RAB3B: variants seen among roughly 807,000 people sequenced by gnomAD.
RAB3B encodes the protein RAB3B, member RAS oncogene family, also known as ras-related protein Rab-3B.
In RAB3B, 11 loss-of-function variants were observed where a neutral mutation model predicts 20.5. The observed-to-expected ratio is 0.54, with a 90% CI of 0.34 to 0.89. RAB3B has a LOEUF of 0.89. RAB3B is among the 40% of genes least tolerant of loss of function. The probability of loss-of-function intolerance (pLI) is 0.02; values close to 1 mark genes in which losing one functional copy is unlikely to be tolerated. For missense variants in RAB3B, 225 were observed against 280.9 expected, an observed-to-expected ratio of 0.80 and a Z score of 1.42; for synonymous variants, 99 against 106.3, an observed-to-expected ratio of 0.93 and a Z score of 0.42.
At position 51,918,951 on chromosome 1, in the gene RAB3B, G is replaced by T. The variant is rs1684125856; in HGVS notation, c.*976C>A. 6.7e-6 allele frequency: 1 copy of T among 149,374 alleles called. No homozygotes were observed. The highest frequency in any genetic ancestry group is 2.1e-4 in the South Asian group (1 of 4,670). 9.3% of individuals were successfully genotyped at this position (149,374 alleles called of 1,614,324 possible). ...ATATAGCAGGAACCTCTGACATTTT[G>T]TAGGGGATAATCCTTTTCTCTTTTT... is the stretch of plus-strand genomic sequence containing the variant. On this transcript the variant is annotated 3_prime_UTR_variant, in exon 5 of 5. Coordinates refer to ENST00000371655, the MANE Select transcript of RAB3B (RefSeq NM_002867.4).
At position 51,914,434 on chromosome 1, in the gene RAB3B, A is replaced by C. The variant is rs566249816; in HGVS notation, c.*5493T>G. On this transcript the variant is annotated 3_prime_UTR_variant, in exon 5 of 5. Coordinates refer to ENST00000371655, the MANE Select transcript of RAB3B (RefSeq NM_002867.4). Reference sequence around the variant, plus strand: ...GTGCCTTTCCTTTAGAGTACTTTGTAATTATATTTGGGTGATGATTTGACA... The same window carrying C: ...GTGCCTTTCCTTTAGAGTACTTTGTCATTATATTTGGGTGATGATTTGACA... The C allele has an allele frequency of 5.9e-5, 9 of 152,270 alleles. No individual in the cohort carries two copies. In the South Asian group the frequency reaches 1.9e-3, roughly 32 times the overall value. 9.4% of individuals were successfully genotyped at this position (152,270 alleles called of 1,614,324 possible).
intron 3 of RAB3B, 102 bp downstream of exon 3, chr1:51,937,192 T>TCTG (rs1354032527): frequency 1.2e-6 from 1 of 859,756 alleles, no homozygotes; most frequent in African/African-American, 1.7e-5. Flanking sequence ...AGTAACCATG[T>TCTG]CTGATTCATC....
At chr1:51,931,205 AGGCAGCTCCTTGC>A (rs1306078422) in intron 4 of RAB3B, among the ~76,000 whole-genome samples, 1 of 152,184 alleles carries the variant, frequency 6.6e-6, no homozygotes, top group Non-Finnish European at 1.5e-5. Context: ...CTGACCCACA[AGGCAGCTCCTTGC>A]CTCTGCCAGG....
At chr1:51,975,830 A>T (rs1395411321) in intron 2 of RAB3B, among the ~76,000 whole-genome samples, 2 of 152,034 alleles carry the variant, frequency 1.3e-5, no homozygotes, top group Non-Finnish European at 2.9e-5. Flanking sequence ...CATCTCTACT[A>T]AAAATACAAA....
chr1:51,989,045 T>C (rs1685185748), intron 1 of RAB3B, among the ~76,000 whole-genome samples: 1 of 149,834 alleles, frequency 6.7e-6, no homozygotes, highest in South Asian at 2.1e-4. Flanking sequence ...CTTTCACGGC[T>C]TCCATTGTCT....
intron 2 of RAB3B, among the ~76,000 whole-genome samples, chr1:51,956,199 T>C (rs1375328304): frequency 6.6e-6 from 1 of 152,204 alleles, no homozygotes; most frequent in Non-Finnish European, 1.5e-5. Flanking sequence ...GATATTAGAC[T>C]AGATTACTTT....
At chr1:51,950,777 G>C (rs12060486) in intron 2 of RAB3B, among the ~76,000 whole-genome samples, 11 of 152,184 alleles carry the variant, frequency 7.2e-5, no homozygotes, top group African/African-American at 2.7e-4. Flanking sequence ...GAGCACCAGG[G>C]AGGCAGGTAA....
chr1:51,977,027 T>C lies in RAB3B; in HGVS notation c.91A>G (p.Ser31Gly). The C allele has an allele frequency of 2.5e-6, 4 of 1,614,232 alleles. No homozygotes were observed. Among genetic ancestry groups the C allele is most frequent in the Non-Finnish European group, 3.4e-6 (4 of 1,180,034 alleles). The change falls in exon 2 of 5, where the codon AGC becomes GGC. Residue 31 changes from serine (S) to glycine (G), a missense_variant. Ser to Gly is a moderately conservative substitution (Grantham distance 56). Coordinates refer to ENST00000371655, the MANE Select transcript of RAB3B (RefSeq NM_002867.4). ...YMFKLLIIGNSSVGKTSFLFR... is the reference protein window; with the variant it reads ...YMFKLLIIGNGSVGKTSFLFR... ...AGGAAGGAGGTCTTGCCAACACTGC[T>C]GTTGCCAATGATAAGCAGTTTAAAC...
intron 2 of RAB3B, among the ~76,000 whole-genome samples, chr1:51,962,749 G>A (rs374902961): frequency 2.1e-4 from 32 of 151,998 alleles, no homozygotes; most frequent in Admixed American, 2.0e-3. Context: ...CCTCTCATCC[G>A]AACGTTTCTT....
At chr1:51,959,000 G>A (rs1684749580) in intron 2 of RAB3B, among the ~76,000 whole-genome samples, 2 of 152,232 alleles carry the variant, frequency 1.3e-5, no homozygotes, top group South Asian at 2.1e-4. Context: ...GCCTGGTGCT[G>A]GAGCTGTAGA....
intron 2 of RAB3B, among the ~76,000 whole-genome samples, chr1:51,954,393 C>A (rs1337036694): frequency 6.6e-6 from 1 of 152,168 alleles, no homozygotes; most frequent in African/African-American, 2.4e-5. Context: ...ACCACCAACC[C>A]AAATGTCAGT....
intron 2 of RAB3B, among the ~76,000 whole-genome samples, chr1:51,939,189 G>A (rs1190423422): frequency 1.3e-5 from 2 of 152,146 alleles, no homozygotes; most frequent in Non-Finnish European, 2.9e-5. Flanking sequence ...CTCGTGTGAG[G>A]GACCAGCCAA....
At chr1:51,963,976 C>T (rs112997633) in intron 2 of RAB3B, among the ~76,000 whole-genome samples, 16 of 152,156 alleles carry the variant, frequency 1.1e-4, no homozygotes, top group Admixed American at 5.2e-4. Flanking sequence ...ACCATACGAA[C>T]GTGCTGCTAC....
intron 2 of RAB3B, among the ~76,000 whole-genome samples, chr1:51,971,233 A>G (rs1684929250): frequency 6.6e-6 from 1 of 151,200 alleles, no homozygotes; most frequent in South Asian, 2.1e-4. Context: ...AGCTCACAAA[A>G]CCAAAAAAAA....
chr1:51,958,261 T>C (rs913283320), intron 2 of RAB3B, among the ~76,000 whole-genome samples: 1 of 152,166 alleles, frequency 6.6e-6, no homozygotes. Flanking sequence ...ACTTAGTCCA[T>C]TTGTCAACTT....
At chr1:51,925,306 C>T (rs1452247606) in intron 4 of RAB3B, among the ~76,000 whole-genome samples, 1 of 152,198 alleles carries the variant, frequency 6.6e-6, no homozygotes, top group Non-Finnish European at 1.5e-5. Flanking sequence ...TTCCTTTCTA[C>T]TCAAGGCTTG....
Position 51,984,261 on chromosome 1 carries a change from A to AT in RAB3B, c.-1+6290dup, listed in dbSNP as rs1444198201. 1.5e-3 allele frequency among the ~76,000 whole-genome samples: 84 copies of AT among 56,474 alleles called. 1 individual carries two copies. The highest frequency in any genetic ancestry group is 5.1e-3 in the African/African-American group (81 of 15,892). The allele number at this position is 56,474 out of a possible 152,430, so 37.0% of individuals were successfully genotyped here. A position where few individuals can be genotyped will look rare whatever the true frequency, so the allele number is the denominator to read the frequency against. On this transcript the variant is annotated intron_variant, in intron 1 of 4. Coordinates refer to ENST00000371655, the MANE Select transcript of RAB3B (RefSeq NM_002867.4). ...CCCAGGCAACAGTGGAGACTCTCTAATTAAAAAAAAAAAAAAAAAAAAAAA... is the reference window on the plus strand; with the variant it reads ...CCCAGGCAACAGTGGAGACTCTCTAATTTAAAAAAAAAAAAAAAAAAAAAAA...
At chr1:51,975,167 T>C (rs1004800038) in intron 2 of RAB3B, among the ~76,000 whole-genome samples, 2 of 152,208 alleles carry the variant, frequency 1.3e-5, no homozygotes, top group Non-Finnish European at 2.9e-5. Context: ...TGAGCCAAGA[T>C]AGTGCCACTG....
At chr1:51,961,233 C>T (rs1684779840) in intron 2 of RAB3B, among the ~76,000 whole-genome samples, 1 of 152,096 alleles carries the variant, frequency 6.6e-6, no homozygotes, top group East Asian at 1.9e-4. Flanking sequence ...ATCTTGGATG[C>T]CCATTAGACT....
Sources: allele counts gnomAD v4.1 joint callset (sites outside exome capture counted in the v4.1 genomes callset), GRCh38; gene constraint gnomAD v4.1.1; transcripts MANE v1.5; gene names NCBI Gene and HGNC (gene_info 2026-07-23, HGNC 2026-07-21).